Variants in GAREM1 observed in about 807,000 individuals in gnomAD.
GAREM1 encodes the protein GRB2-associated and regulator of MAPK protein 1.
A neutral mutation model predicts 71.3 loss-of-function variants in GAREM1; 26 were observed. That is an observed-to-expected ratio of 0.36 (90% CI 0.27 to 0.51). The LOEUF is 0.51. GAREM1 is among the 20% of genes least tolerant of loss of function. The probability of loss-of-function intolerance (pLI) is 0.95; values close to 1 mark genes in which losing one functional copy is unlikely to be tolerated. For missense variants in GAREM1, 1,026 were observed against 1,103.1 expected (o/e 0.93, Z 0.99); for synonymous variants, 440 against 433.2 (o/e 1.02, Z -0.20).
intron 2 of GAREM1, among the ~76,000 whole-genome samples, chr18:32,376,184 G>A (rs975715516): frequency 7.2e-5 from 11 of 152,074 alleles, no homozygotes; most frequent in African/African-American, 2.7e-4. Context: ...ATTTAACATG[G>A]TTTTACATGC....
At chr18:32,412,714 C>T (rs966645084) in intron 1 of GAREM1, 13 of 1,459,298 alleles carry the variant, frequency 8.9e-6, no homozygotes, top group South Asian at 5.7e-5. Flanking sequence ...GAGTCATGGT[C>T]GTCAAAGGTT....
chr18:32,319,972 GC>G (rs1383266408), intron 2 of GAREM1, among the ~76,000 whole-genome samples: 1 of 152,204 alleles, frequency 6.6e-6, no homozygotes, highest in Non-Finnish European at 1.5e-5. Flanking sequence ...AGTTAAATAT[GC>G]TTGTCCTGAA....
At chr18:32,303,225 T>C (rs2047217506) in intron 3 of GAREM1, among the ~76,000 whole-genome samples, 2 of 152,140 alleles carry the variant, frequency 1.3e-5, no homozygotes, top group South Asian at 2.1e-4. Context: ...GCATCCAGAT[T>C]AGGGTATTTG....
chr18:32,268,102 G>A lies in GAREM1; in HGVS notation c.2400C>T (p.Ser800=). The A allele has an allele frequency of 1.2e-6, 2 of 1,614,094 alleles. No individual in the cohort carries two copies. The highest frequency in any genetic ancestry group is 1.1e-5 in the South Asian group (1 of 91,064). ...ATAGGTCAGCAGGTGGCTGCCATGG[G>A]GAACCGTCGCCACAGGATCTGGGGG... ...QLAPRSCGDG[S]PWQPPADLSG... Residue 800 remains serine (S), a synonymous_variant, in exon 6 of 6, where the codon TCC becomes TCT. Transcript: ENST00000269209.
intron 1 of GAREM1, among the ~76,000 whole-genome samples, chr18:32,409,010 A>G (rs1567999717): frequency 1.3e-5 from 2 of 152,192 alleles, no homozygotes; most frequent in Non-Finnish European, 2.9e-5. Context: ...TTAAGTCTCC[A>G]TAGTGCCTAT....
intron 1 of GAREM1, among the ~76,000 whole-genome samples, chr18:32,393,546 T>C (rs796391457): frequency 9.8e-5 from 15 of 152,304 alleles, no homozygotes; most frequent in African/African-American, 3.4e-4. Flanking sequence ...AAGCTTATGA[T>C]TTAATCACCA....
chr18:32,264,552 C>A lies in GAREM1; in HGVS notation c.*3319G>T, dbSNP rs1323510609. On this transcript the variant is annotated 3_prime_UTR_variant, in exon 6 of 6. Coordinates refer to ENST00000269209, the MANE Select transcript of GAREM1 (RefSeq NM_001242409.2). ...TGTGTCTGAGAACAGTTGGAACGGACTGTCATAATATTTCCCATAAGATTG... is the reference window on the plus strand; with the variant it reads ...TGTGTCTGAGAACAGTTGGAACGGAATGTCATAATATTTCCCATAAGATTG... 1 of 152,200 alleles carries A rather than the reference C, an allele frequency of 6.6e-6. No homozygotes were observed. The highest frequency in any genetic ancestry group is 1.5e-5 in the Non-Finnish European group (1 of 68,034). 9.4% of individuals were successfully genotyped at this position (152,200 alleles called of 1,614,324 possible).
chr18:32,312,600 T>C (rs1264378267), intron 2 of GAREM1, among the ~76,000 whole-genome samples: 7 of 152,170 alleles, frequency 4.6e-5, no homozygotes, highest in Non-Finnish European at 8.8e-5. Context: ...AGTTCTGCTA[T>C]AAAATAGAGA....
At chr18:32,296,707 GTTTT>G (rs547556975) in intron 3 of GAREM1, among the ~76,000 whole-genome samples, 2 of 139,986 alleles carry the variant, frequency 1.4e-5, no homozygotes, top group African/African-American at 2.6e-5. Context: ...TTTCTTGGCA[GTTTT>G]TTTTTTTTTT....
At chr18:32,359,762 AG>A (rs2047845688) in intron 2 of GAREM1, among the ~76,000 whole-genome samples, 1 of 152,058 alleles carries the variant, frequency 6.6e-6, no homozygotes, top group Non-Finnish European at 1.5e-5. Flanking sequence ...CTCTACAAAA[AG>A]TTTTTTTAAA....
intron 1 of GAREM1, among the ~76,000 whole-genome samples, chr18:32,396,913 C>T (rs977125826): frequency 3.9e-5 from 6 of 152,116 alleles, no homozygotes; most frequent in African/African-American, 1.2e-4. Flanking sequence ...AGAGAAAGGT[C>T]GGGTTATCCA....
At chr18:32,383,119 A>G (rs1295420694) in intron 2 of GAREM1, among the ~76,000 whole-genome samples, 1 of 152,190 alleles carries the variant, frequency 6.6e-6, no homozygotes, top group Non-Finnish European at 1.5e-5. Context: ...GGCTTGACTC[A>G]CTATTAGGGA....
At chr18:32,328,522 A>T (rs1182286507) in intron 2 of GAREM1, among the ~76,000 whole-genome samples, 2 of 152,236 alleles carry the variant, frequency 1.3e-5, no homozygotes, top group African/African-American at 4.8e-5. Context: ...CATGAGTGCT[A>T]TTCCTGCTAG....
intron 1 of GAREM1, among the ~76,000 whole-genome samples, chr18:32,455,758 T>C (rs1175871829): frequency 1.3e-5 from 2 of 152,196 alleles, no homozygotes; most frequent in Non-Finnish European, 2.9e-5. Flanking sequence ...GGAACAGTTC[T>C]AGCTACAACT....
At position 32,300,906 on chromosome 18, in the gene GAREM1, C is replaced by CAAA. The variant is rs764891353; in HGVS notation, c.393+9284_393+9286dup. Among the ~76,000 whole-genome samples, 781 of 82,772 alleles carry CAAA rather than the reference C, an allele frequency of 9.4e-3. 13 individuals carry two copies. Among genetic ancestry groups the CAAA allele is most frequent in the South Asian group, 0.05 (103 of 2,052 alleles). 54.3% of individuals were successfully genotyped at this position (82,772 alleles called of 152,430 possible). ...GGGCAACAAGAGTGAAACTCCGTCT[C>CAAA]AAAAAAAAAAAAAAAAAAAAGAAGA... On this transcript the variant is annotated intron_variant, in intron 3 of 5. Coordinates refer to ENST00000269209, the MANE Select transcript of GAREM1 (RefSeq NM_001242409.2).
intron 1 of GAREM1, among the ~76,000 whole-genome samples, chr18:32,428,913 T>C (rs1034596353): frequency 5.3e-5 from 8 of 151,852 alleles, no homozygotes; most frequent in Admixed American, 4.6e-4. Flanking sequence ...CTATTCTCCT[T>C]TTCTCATTCA....
chr18:32,284,138 C>T (rs906314165), intron 4 of GAREM1, among the ~76,000 whole-genome samples: 1 of 152,140 alleles, frequency 6.6e-6, no homozygotes, highest in African/African-American at 2.4e-5. Flanking sequence ...CTATGATGTT[C>T]TCTGGATCCC....
rs914104026 is a variant in GAREM1, at chr18:32,397,428, C to G, written c.122-4393G>C. On this transcript the variant is annotated intron_variant, in intron 1 of 5. Coordinates refer to ENST00000269209, the MANE Select transcript of GAREM1 (RefSeq NM_001242409.2). ...GACCCATCTCACATGCAGAGACACA[C>G]ATAAGCTCAAAATAAAAGGATGGAG... Among the ~76,000 whole-genome samples, 83 of 152,194 alleles carry G rather than the reference C, an allele frequency of 5.5e-4. 1 individual carries two copies. The highest frequency in any genetic ancestry group is 2.0e-3 in the African/African-American group (83 of 41,538).
At chr18:32,430,290 A>G (rs988625144) in intron 1 of GAREM1, among the ~76,000 whole-genome samples, 2 of 152,218 alleles carry the variant, frequency 1.3e-5, no homozygotes, top group Non-Finnish European at 2.9e-5. Flanking sequence ...ATATACAAAC[A>G]TACTGACAGG....
Sources: allele counts gnomAD v4.1 joint callset (sites outside exome capture counted in the v4.1 genomes callset), GRCh38; gene constraint gnomAD v4.1.1; transcripts MANE v1.5; gene names NCBI Gene and HGNC (gene_info 2026-07-23, HGNC 2026-07-21).